Variants in ASTN2 observed in about 807,000 individuals in gnomAD.
ASTN2 encodes the protein astrotactin 2.
A neutral mutation model predicts 139.8 loss-of-function variants in ASTN2; 54 were observed. That is an observed-to-expected ratio of 0.39 (90% CI 0.31 to 0.48). The LOEUF (loss-of-function observed/expected upper bound fraction) is 0.48. Among genes scored for constraint, ASTN2 ranks in the 20% least tolerant of loss-of-function variants. ASTN2 has a pLI of 0.95. For synonymous variants in ASTN2, 756 were observed against 719.5 expected (o/e 1.05, Z -0.81); for missense variants, 1,565 against 1,725.1 (o/e 0.91, Z 1.64).
At chr9:117,162,316 T>A (rs1268551835) in intron 3 of ASTN2, among the ~76,000 whole-genome samples, 1 of 152,022 alleles carries the variant, frequency 6.6e-6, no homozygotes, top group Non-Finnish European at 1.5e-5. Context: ...TCAGGACTAC[T>A]CATGGAGCTT....
chr9:116,432,048 C>T lies in ASTN2; in HGVS notation c.3783-5960G>A, dbSNP rs73656836. Among the ~76,000 whole-genome samples the T allele has an allele frequency of 4.6e-3, 703 of 152,204 alleles. 5 individuals carry two copies. Among genetic ancestry groups the T allele is most frequent in the African/African-American group, 0.016 (658 of 41,544 alleles). ...GTACTACAGTGGGAGTCGTAGCAGGCGTTTGTCATTGTTTATTTGTTTTTA... is the reference window on the plus strand; with the variant it reads ...GTACTACAGTGGGAGTCGTAGCAGGTGTTTGTCATTGTTTATTTGTTTTTA... On this transcript the variant is annotated intron_variant, in intron 22 of 22. Coordinates refer to ENST00000313400, the MANE Select transcript of ASTN2 (RefSeq NM_001365068.1).
At chr9:116,703,790 A>T (rs979746607) in intron 16 of ASTN2, among the ~76,000 whole-genome samples, 1 of 151,828 alleles carries the variant, frequency 6.6e-6, no homozygotes, top group African/African-American at 2.4e-5. Flanking sequence ...GGGAGAACCT[A>T]GTATGAGACT....
At chr9:117,299,620 A>G (rs1436594935) in intron 1 of ASTN2, among the ~76,000 whole-genome samples, 4 of 152,218 alleles carry the variant, frequency 2.6e-5, no homozygotes, top group Non-Finnish European at 5.9e-5. Flanking sequence ...CCACCATTAT[A>G]GAGAGAGGCT....
intron 11 of ASTN2, among the ~76,000 whole-genome samples, chr9:116,827,318 A>ACC (rs1194704489): frequency 4.7e-5 from 7 of 149,424 alleles, no homozygotes; most frequent in African/African-American, 1.5e-4. Flanking sequence ...CCCCCCAAAA[A>ACC]AAAAAAAAAA....
intron 13 of ASTN2, among the ~76,000 whole-genome samples, chr9:116,790,776 G>T (rs1830507512): frequency 6.6e-6 from 1 of 150,508 alleles, no homozygotes; most frequent in African/African-American, 2.5e-5. Context: ...CCAGGTTCAA[G>T]CGATTCTCCT....
intron 17 of ASTN2, among the ~76,000 whole-genome samples, chr9:116,629,442 G>C (rs945429733): frequency 2.0e-5 from 3 of 152,070 alleles, no homozygotes; most frequent in African/African-American, 7.2e-5. Context: ...TTACAGATGA[G>C]CAAGTGAAAG....
At chr9:116,785,527 A>G (rs1345499358) in intron 13 of ASTN2, among the ~76,000 whole-genome samples, 2 of 152,162 alleles carry the variant, frequency 1.3e-5, no homozygotes, top group Non-Finnish European at 2.9e-5. Context: ...ATGTTTCACA[A>G]TCAAGTTCAT....
chr9:116,507,241 A>G (rs569499988), intron 19 of ASTN2, among the ~76,000 whole-genome samples: 1 of 152,310 alleles, frequency 6.6e-6, no homozygotes, highest in South Asian at 2.1e-4. Context: ...CAAGCTCTCC[A>G]TAGTTTGTCT....
At chr9:116,481,319 G>A (rs1281703780) in intron 20 of ASTN2, among the ~76,000 whole-genome samples, 1 of 152,294 alleles carries the variant, frequency 6.6e-6, no homozygotes, top group East Asian at 1.9e-4. Flanking sequence ...GATTGAGGCT[G>A]CAGTGAGCTG....
At position 117,291,530 on chromosome 9, in the gene ASTN2, G is replaced by A. The variant is rs763425322; in HGVS notation, c.443-17C>T. The A allele has an allele frequency of 1.0e-5, 16 of 1,576,892 alleles. No homozygotes were observed. Among genetic ancestry groups the A allele is most frequent in the Admixed American group, 7.0e-5 (4 of 57,264 alleles). ...CAGACATCTCTGCAAGACAAGACCC[G>A]AGGCACTGGGTGAGCCGTACGCCTG... On this transcript the variant is annotated splice_polypyrimidine_tract_variant and intron_variant, in intron 1 of 22. Transcript: ENST00000313400.
At chr9:117,212,973 A>G (rs935363642) in intron 3 of ASTN2, among the ~76,000 whole-genome samples, 4 of 152,218 alleles carry the variant, frequency 2.6e-5, no homozygotes, top group Non-Finnish European at 5.9e-5. Context: ...TTGAAGATAC[A>G]TCTGCACCTG....
chr9:116,966,312 C>T (rs1836008606), intron 10 of ASTN2, among the ~76,000 whole-genome samples: 1 of 152,176 alleles, frequency 6.6e-6, no homozygotes, highest in South Asian at 2.1e-4. Flanking sequence ...GCTTAGCTAA[C>T]TGGTTCCCCT....
At chr9:117,257,203 C>T (rs553200628) in intron 2 of ASTN2, among the ~76,000 whole-genome samples, 51 of 152,246 alleles carry the variant, frequency 3.3e-4, no homozygotes, top group African/African-American at 1.2e-3. Flanking sequence ...GGTCCTGATT[C>T]ATTAAATGGA....
At chr9:117,219,263 C>A (rs1832435670) in intron 2 of ASTN2, among the ~76,000 whole-genome samples, 1 of 152,140 alleles carries the variant, frequency 6.6e-6, no homozygotes, top group Non-Finnish European at 1.5e-5. Flanking sequence ...CAGCTTCCCA[C>A]ACCAGAGGTA....
intron 4 of ASTN2, among the ~76,000 whole-genome samples, chr9:117,105,591 T>A (rs1472232758): frequency 6.6e-6 from 1 of 152,150 alleles, no homozygotes; most frequent in Non-Finnish European, 1.5e-5. Context: ...AGTATAAGAT[T>A]GTTGGTTTAA....
intron 4 of ASTN2, among the ~76,000 whole-genome samples, chr9:117,128,453 C>T (rs1354877679): frequency 8.1e-5 from 6 of 73,854 alleles, no homozygotes; most frequent in East Asian, 5.0e-4. Context: ...TTTATGACAG[C>T]GATGTTATCT....
intron 16 of ASTN2, among the ~76,000 whole-genome samples, chr9:116,706,138 T>C (rs1260039398): frequency 6.6e-6 from 1 of 152,184 alleles, no homozygotes; most frequent in Non-Finnish European, 1.5e-5. Flanking sequence ...CATACCCTCT[T>C]CGGTATTCTA....
chr9:116,971,664 T>C (rs1588449922), intron 10 of ASTN2, among the ~76,000 whole-genome samples: 1 of 152,208 alleles, frequency 6.6e-6, no homozygotes, highest in African/African-American at 2.4e-5. Context: ...AGTTGCACCA[T>C]AGGTCGTCTT....
chr9:117,259,944 G>A (rs753330187), intron 2 of ASTN2, among the ~76,000 whole-genome samples: 1 of 152,132 alleles, frequency 6.6e-6, no homozygotes, highest in African/African-American at 2.4e-5. Flanking sequence ...AACAGAATAA[G>A]GTACAGAGTA....
Sources: gnomAD v4.1 joint callset for allele counts (sites outside exome capture counted in the v4.1 genomes callset) on GRCh38, gnomAD v4.1.1 for gene constraint, MANE v1.5 for transcripts, NCBI Gene and HGNC (gene_info 2026-07-23, HGNC 2026-07-21) for gene names.